FOXP2: variants seen among roughly 807,000 people sequenced by gnomAD.
FOXP2 encodes forkhead box protein P2.
In FOXP2, 12 loss-of-function variants were observed where a neutral mutation model predicts 115.8. That is an observed-to-expected ratio of 0.10 (90% CI 0.07 to 0.17). FOXP2 has a LOEUF of 0.17. Ranked by LOEUF, FOXP2 falls within the 10% of genes least tolerant of loss-of-function variation. The probability of loss-of-function intolerance (pLI) is 1.00; values close to 1 mark genes in which losing one functional copy is unlikely to be tolerated. For missense variants in FOXP2, 629 were observed against 843.5 expected (o/e 0.75, Z 3.15); for synonymous variants, 328 against 297.7 (o/e 1.10, Z -1.05).
chr7:114,399,165 T>C (rs1247893936), intron 2 of FOXP2, among the ~76,000 whole-genome samples: 2 of 150,558 alleles, frequency 1.3e-5, no homozygotes, highest in Admixed American at 1.3e-4. Flanking sequence ...TGAAGGGCGG[T>C]GGTGCCATCT....
At chr7:114,377,613 G>A (rs557479421) in intron 2 of FOXP2, among the ~76,000 whole-genome samples, 3 of 152,224 alleles carry the variant, frequency 2.0e-5, no homozygotes, top group South Asian at 2.1e-4. Flanking sequence ...CCCTCTTACT[G>A]GACAGTGGAC....
chr7:114,628,650 A>G lies in FOXP2; in HGVS notation c.369A>G (p.Gln123=). The G allele has an allele frequency of 1.2e-6, 2 of 1,614,038 alleles. No individual in the cohort carries two copies. The highest frequency in any genetic ancestry group is 1.7e-6 in the Non-Finnish European group (2 of 1,179,962). ...LSPQQLQALL[Q]QQQAVMLQQQ... is the part of the protein sequence containing the mutation. ...CTCAGCAGCTACAAGCCCTTCTCCA[A>G]CAACAGCAGGCTGTCATGCTGCAGC... Residue 123 remains glutamine (Q), a synonymous_variant, in exon 4 of 17, where the codon CAA becomes CAG. Transcript: ENST00000350908.
chr7:114,304,927 C>T (rs1175142677), intron 2 of FOXP2, among the ~76,000 whole-genome samples: 1 of 151,960 alleles, frequency 6.6e-6, no homozygotes, highest in Non-Finnish European at 1.5e-5. Context: ...GCTGAAAAGA[C>T]ATTAACTATA....
At chr7:114,166,146 A>G (rs183928224) in intron 1 of FOXP2, among the ~76,000 whole-genome samples, 1 of 152,322 alleles carries the variant, frequency 6.6e-6, no homozygotes, top group East Asian at 1.9e-4. Context: ...ACAAAAAACT[A>G]TAAAACTTCT....
At chr7:114,645,383 A>G (rs1182070895) in intron 8 of FOXP2, 1 of 151,850 alleles carries the variant, frequency 6.6e-6, no homozygotes, top group Non-Finnish European at 1.5e-5. Context: ...ATATGTTTGT[A>G]TAACAGATTA....
chr7:114,337,207 T>C (rs1172150678), intron 2 of FOXP2, among the ~76,000 whole-genome samples: 1 of 151,450 alleles, frequency 6.6e-6, no homozygotes, highest in African/African-American at 2.4e-5. Context: ...GGTGACCTTT[T>C]TTCCATTACC....
chr7:114,131,127 G>T (rs188469625), intron 1 of FOXP2, among the ~76,000 whole-genome samples: 9 of 152,134 alleles, frequency 5.9e-5, no homozygotes, highest in African/African-American at 2.2e-4. Flanking sequence ...CTTTTGTTCC[G>T]TGTGAAAGTA....
At chr7:114,576,365 G>A (rs1326511872) in intron 3 of FOXP2, among the ~76,000 whole-genome samples, 1 of 151,828 alleles carries the variant, frequency 6.6e-6, no homozygotes, top group Admixed American at 6.6e-5. Context: ...CTTCTCCTGA[G>A]TGGTTGCCCC....
chr7:114,252,446 A>G (rs1238331830), intron 1 of FOXP2, among the ~76,000 whole-genome samples: 1 of 152,112 alleles, frequency 6.6e-6, no homozygotes, highest in Non-Finnish European at 1.5e-5. Context: ...TTGGTAAGCT[A>G]TTAATTATTG....
In FOXP2 at chr7:114,102,764, A is replaced by G. The variant is rs111916102; in HGVS notation, c.-247+14926A>G. Among the ~76,000 whole-genome samples, 180 of 151,358 alleles carry G rather than the reference A, an allele frequency of 1.2e-3. 2 individuals carry two copies. Among genetic ancestry groups the G allele is most frequent in the Non-Finnish European group, 2.2e-3 (149 of 67,768 alleles). On this transcript the variant is annotated intron_variant, in intron 1 of 19. Transcript: ENST00000635638. ...TGGTTATTCATATAAATATAGACAT[A>G]TCTTTTAAATCTCTGTCTCTAAAAT...
chr7:114,641,834 G>T (rs1045835106), intron 6 of FOXP2, among the ~76,000 whole-genome samples: 20 of 151,386 alleles, frequency 1.3e-4, no homozygotes, highest in Non-Finnish European at 2.4e-4. Flanking sequence ...TTGAGAGAGG[G>T]TCTCACTCTC....
At chr7:114,457,583 A>C (rs965147504) in intron 2 of FOXP2, among the ~76,000 whole-genome samples, 4 of 152,292 alleles carry the variant, frequency 2.6e-5, no homozygotes, top group Non-Finnish European at 5.9e-5. Context: ...GTATAGCATT[A>C]GATCAAATTA....
chr7:114,169,297 C>T (rs1793071416), intron 1 of FOXP2, among the ~76,000 whole-genome samples: 1 of 152,232 alleles, frequency 6.6e-6, no homozygotes, highest in African/African-American at 2.4e-5. Context: ...CTGTACCCTG[C>T]AAAGCCACAG....
At chr7:114,664,517 T>C (rs1439816519) in intron 16 of FOXP2, 81 bp downstream of exon 16, 17 of 1,497,272 alleles carry the variant, frequency 1.1e-5, no homozygotes, top group Non-Finnish European at 1.6e-5. Context: ...CCGAAGTTTT[T>C]ACTGTTGTAT....
At chr7:114,568,165 G>T (rs1801114402) in intron 3 of FOXP2, among the ~76,000 whole-genome samples, 1 of 151,886 alleles carries the variant, frequency 6.6e-6, no homozygotes, top group African/African-American at 2.4e-5. Context: ...ATGTCACTAT[G>T]AGCCCTCAGT....
chr7:114,132,572 TGTGTGTGTGTGAGAGAGA>T (rs1458869447), intron 1 of FOXP2, among the ~76,000 whole-genome samples: 3 of 122,966 alleles, frequency 2.4e-5, no homozygotes, highest in African/African-American at 1.0e-4. Flanking sequence ...TGTGTGTGTG[TGTGTGTGTGTGAGAGAGA>T]GAGAGAGAGA....
intron 1 of FOXP2, among the ~76,000 whole-genome samples, chr7:114,256,811 GA>G (rs1795625415): frequency 6.6e-6 from 1 of 152,132 alleles, no homozygotes; most frequent in Non-Finnish European, 1.5e-5. Flanking sequence ...CAAACAAATG[GA>G]AAAACATTCC....
chr7:114,460,509 A>G (rs1795517473), intron 2 of FOXP2, among the ~76,000 whole-genome samples: 1 of 152,216 alleles, frequency 6.6e-6, no homozygotes, highest in Admixed American at 6.5e-5. Context: ...ACCAGTTGGG[A>G]TACTGTAGTG....
At chr7:114,231,956 C>G (rs780776024) in intron 1 of FOXP2, among the ~76,000 whole-genome samples, 1 of 151,998 alleles carries the variant, frequency 6.6e-6, no homozygotes, top group Non-Finnish European at 1.5e-5. Context: ...ATCTGTAAAC[C>G]ATTTATATGA....
Sources: allele counts gnomAD v4.1 joint callset (sites outside exome capture counted in the v4.1 genomes callset), GRCh38; gene constraint gnomAD v4.1.1; transcripts MANE v1.5; gene names NCBI Gene and HGNC (gene_info 2026-07-23, HGNC 2026-07-21).